Variants in FBP2 observed in about 807,000 individuals in gnomAD.
FBP2 encodes the protein fructose-1,6-bisphosphatase isozyme 2.
Under a neutral mutation model 31.6 loss-of-function variants are expected in FBP2, and 27 were observed. The observed-to-expected ratio is 0.85, with a 90% confidence interval of 0.63 to 1.18. The LOEUF (loss-of-function observed/expected upper bound fraction) is 1.18, where lower values mean the gene tolerates loss of function less well. Ranked by LOEUF, FBP2 falls within the 50% of genes most tolerant of loss-of-function variation. The pLI, the probability that FBP2 is intolerant of heterozygous loss-of-function variation, is 0.00. For synonymous variants in FBP2, 168 were observed against 179.8 expected (o/e 0.93, Z 0.53); for missense variants, 421 against 436.1 (o/e 0.97, Z 0.31).
chr9:94,569,303 C>G (rs948906396), intron 4 of FBP2: 3 of 152,304 alleles, frequency 2.0e-5, no homozygotes. Flanking sequence ...GCCGTGCTTC[C>G]TGCTTCCTGG....
At chr9:94,563,596 G>T in intron 5 of FBP2, 135 bp from the exon 6 acceptor site, 1 of 948,340 alleles carries the variant, frequency 1.1e-6, no homozygotes, top group Non-Finnish European at 1.6e-6. Context: ...TGTAGGAATT[G>T]AAAAGATTAT....
At chr9:94,568,246 A>G (rs1364802616) in intron 4 of FBP2, 3 of 152,220 alleles carry the variant, frequency 2.0e-5, no homozygotes, top group Non-Finnish European at 4.4e-5. Flanking sequence ...CGCTTTCATC[A>G]GACACTGTGT....
At chr9:94,568,591 C>T (rs1396715712) in intron 4 of FBP2, 1 of 152,108 alleles carries the variant, frequency 6.6e-6, no homozygotes, top group African/African-American at 2.4e-5. Flanking sequence ...CCAGAAGGTT[C>T]CCAAGGAACA....
intron 3 of FBP2, 60 bp from the exon 4 acceptor site, chr9:94,571,662 C>T: frequency 1.3e-6 from 2 of 1,494,006 alleles, no homozygotes; most frequent in Non-Finnish European, 1.8e-6. Context: ...AACACTTTGC[C>T]AGGGGCCTGG....
intron 3 of FBP2, among the ~76,000 whole-genome samples, chr9:94,581,560 G>T (rs1276417333): frequency 6.6e-6 from 1 of 152,080 alleles, no homozygotes; most frequent in Non-Finnish European, 1.5e-5. Flanking sequence ...GGGCCATAGG[G>T]GTCCCATCGA....
intron 2 of FBP2, among the ~76,000 whole-genome samples, chr9:94,585,905 C>T (rs1250695984): frequency 1.3e-5 from 2 of 151,658 alleles, no homozygotes; most frequent in African/African-American, 4.9e-5. Flanking sequence ...ACCACCATGC[C>T]GAGCTAAATT....
At position 94,563,326 on chromosome 9, in the gene FBP2, G is replaced by A; in HGVS notation, c.825+16C>T. 6.2e-7 allele frequency: 1 copy of A among 1,613,222 alleles called. No homozygotes were observed. The highest frequency in any genetic ancestry group is 8.5e-7 in the Non-Finnish European group (1 of 1,179,526). On this transcript the variant is annotated intron_variant, in intron 6 of 6. Transcript: ENST00000375337. ...TCCCTGACCGGATGCACAGCCAGTG[G>A]ACAAGGGAGAATTACCTTGCCCTTA...
intron 1 of FBP2, among the ~76,000 whole-genome samples, chr9:94,591,299 A>AGT (rs1378766220): frequency 6.6e-6 from 1 of 152,288 alleles, no homozygotes; most frequent in African/African-American, 2.4e-5. Flanking sequence ...GCGGGAAGGC[A>AGT]CCTAAGGCCC....
chr9:94,569,315 C>G (rs1459414292), intron 4 of FBP2: 1 of 152,300 alleles, frequency 6.6e-6, no homozygotes, highest in Non-Finnish European at 1.5e-5. Flanking sequence ...GCTTCCTGGT[C>G]CTCTAGTCCT....
chr9:94,562,078 A>G (rs973105345), intron 6 of FBP2, among the ~76,000 whole-genome samples: 11 of 152,230 alleles, frequency 7.2e-5, no homozygotes, highest in South Asian at 2.1e-4. Flanking sequence ...TTGGGAGGCC[A>G]AGGCGGGCGG....
At chr9:94,587,069 A>C (rs1827435031) in intron 2 of FBP2, among the ~76,000 whole-genome samples, 5 of 152,234 alleles carry the variant, frequency 3.3e-5, no homozygotes, top group Admixed American at 2.6e-4. Context: ...GCGCCCACTG[A>C]GGCGGTTCCT....
intron 3 of FBP2, among the ~76,000 whole-genome samples, chr9:94,580,762 C>A (rs1363143658): frequency 6.6e-6 from 1 of 152,196 alleles, no homozygotes; most frequent in Admixed American, 6.5e-5. Flanking sequence ...TCTAGTATCA[C>A]TACCTCTAGT....
chr9:94,576,847 T>C (rs1827320996), intron 3 of FBP2: 1 of 152,164 alleles, frequency 6.6e-6, no homozygotes, highest in Admixed American at 6.5e-5. Flanking sequence ...TATTTGTTTG[T>C]ATTTGTGGCA....
intron 3 of FBP2, among the ~76,000 whole-genome samples, chr9:94,583,047 G>A (rs2131457404): frequency 6.6e-6 from 1 of 151,342 alleles, no homozygotes; most frequent in South Asian, 2.1e-4. Context: ...TAGAGATGGA[G>A]TTTCACCATG....
intron 2 of FBP2, among the ~76,000 whole-genome samples, chr9:94,586,445 A>G (rs1318952934): frequency 1.3e-5 from 2 of 152,304 alleles, no homozygotes; most frequent in African/African-American, 2.4e-5. Flanking sequence ...CTATGTGGCT[A>G]TGTGGCTTAG....
intron 3 of FBP2, chr9:94,573,026 G>A (rs1827284815): frequency 6.6e-6 from 1 of 152,112 alleles, no homozygotes. Flanking sequence ...TGCAAGAACA[G>A]TGTTATTACC....
chr9:94,586,925 C>T (rs746634477), intron 2 of FBP2: 3 of 162,662 alleles, frequency 1.8e-5, no homozygotes, highest in Admixed American at 6.5e-5. Context: ...CGCAAAGTGC[C>T]GGCTGGGGGC....
At chr9:94,563,216 C>A in intron 6 of FBP2, 126 bp downstream of exon 6, 1 of 1,078,584 alleles carries the variant, frequency 9.3e-7, no homozygotes, top group Non-Finnish European at 1.3e-6. Flanking sequence ...GTTCATTTTT[C>A]CTCCCCTGCC....
chr9:94,593,201 A>G (rs1194321160), intron 1 of FBP2, among the ~76,000 whole-genome samples: 1 of 152,212 alleles, frequency 6.6e-6, no homozygotes, highest in Non-Finnish European at 1.5e-5. Context: ...GCATAAAGAG[A>G]TATTTCACGT....
Sources: gnomAD v4.1 joint callset for allele counts (sites outside exome capture counted in the v4.1 genomes callset) on GRCh38, gnomAD v4.1.1 for gene constraint, MANE v1.5 for transcripts, NCBI Gene and HGNC (gene_info 2026-07-23, HGNC 2026-07-21) for gene names.